The following SH3BP5 variants were observed in gnomAD, a reference collection of about 807,000 sequenced individuals.
The protein encoded by SH3BP5 is SH3 domain binding protein 5.
In SH3BP5, 22 loss-of-function variants were observed where a neutral mutation model predicts 43.3. That is an observed-to-expected ratio of 0.51 (90% CI 0.36 to 0.73). The LOEUF (loss-of-function observed/expected upper bound fraction) is 0.73, where lower values mean the gene tolerates loss of function less well. Ranked by LOEUF, SH3BP5 falls within the 30% of genes least tolerant of loss-of-function variation. The pLI, the probability that SH3BP5 is intolerant of heterozygous loss-of-function variation, is 0.00. For synonymous variants in SH3BP5, 255 were observed against 225.8 expected, an observed-to-expected ratio of 1.13 and a Z score of -1.16; for missense variants, 529 against 586.9, an observed-to-expected ratio of 0.90 and a Z score of 1.02.
intron 3 of SH3BP5, among the ~76,000 whole-genome samples, chr3:15,294,844 G>A (rs28742095): frequency 0.021 from 3,158 of 152,188 alleles, 106 homozygotes; most frequent in African/African-American, 0.069. Flanking sequence ...AGGCTGAGGC[G>A]TAAGGCACCC....
chr3:15,280,271 C>G (rs976211611), intron 3 of SH3BP5, among the ~76,000 whole-genome samples: 5 of 152,140 alleles, frequency 3.3e-5, no homozygotes, highest in Non-Finnish European at 7.3e-5. Context: ...CCTCCTCATC[C>G]TCCTCCCGCT....
intron 3 of SH3BP5, among the ~76,000 whole-genome samples, chr3:15,289,171 C>CTGG (rs1697342589): frequency 1.3e-5 from 2 of 152,216 alleles, no homozygotes; most frequent in African/African-American, 4.8e-5. Context: ...ACGTGGCAGT[C>CTGG]TGTTAGCTGC....
At chr3:15,256,442 T>A in intron 8 of SH3BP5, 139 bp from the exon 9 acceptor site, 1 of 870,630 alleles carries the variant, frequency 1.1e-6, no homozygotes, top group Non-Finnish European at 1.8e-6. Flanking sequence ...CTCAGCCCTG[T>A]AGAAGTCCCA....
chr3:15,332,693 G>C (rs567154346), upstream of SH3BP5: 22 of 1,118,416 alleles, frequency 2.0e-5, no homozygotes, highest in South Asian at 9.6e-4. Context: ...AGCTATCCAG[G>C]TCTCCGTCGC....
intron 3 of SH3BP5, among the ~76,000 whole-genome samples, chr3:15,291,945 T>A (rs889775968): frequency 4.6e-5 from 7 of 152,108 alleles, no homozygotes; most frequent in African/African-American, 1.7e-4. Flanking sequence ...AGCAGGGGCA[T>A]CCTCTGAGTC....
At chr3:15,311,834 C>T (rs991777101) in intron 2 of SH3BP5, among the ~76,000 whole-genome samples, 4 of 152,012 alleles carry the variant, frequency 2.6e-5, no homozygotes, top group Non-Finnish European at 4.4e-5. Context: ...TGACCACACC[C>T]GGCTAATTTT....
chr3:15,260,897 C>A (rs1206567951), intron 5 of SH3BP5, among the ~76,000 whole-genome samples: 1 of 152,212 alleles, frequency 6.6e-6, no homozygotes, highest in South Asian at 2.1e-4. Flanking sequence ...TGGCAAAGTA[C>A]AATCACAAGA....
At chr3:15,297,962 C>T (rs994243103) in intron 3 of SH3BP5, among the ~76,000 whole-genome samples, 10 of 149,842 alleles carry the variant, frequency 6.7e-5, no homozygotes, top group African/African-American at 2.5e-4. Context: ...TGATATACAA[C>T]TTTTCTTTTT....
chr3:15,315,431 C>A (rs1466830294), intron 2 of SH3BP5, among the ~76,000 whole-genome samples: 1 of 152,208 alleles, frequency 6.6e-6, no homozygotes, highest in East Asian at 1.9e-4. Context: ...AGGCCACATC[C>A]TATTTCTTCA....
intron 1 of SH3BP5, among the ~76,000 whole-genome samples, chr3:15,337,760 T>G (rs1169518455): frequency 6.7e-6 from 1 of 149,160 alleles, no homozygotes; most frequent in African/African-American, 2.5e-5. Context: ...AAAAAAAAAT[T>G]TTTAATTAGC....
chr3:15,329,827 C>T (rs1331529740), intron 2 of SH3BP5, among the ~76,000 whole-genome samples: 1 of 152,188 alleles, frequency 6.6e-6, no homozygotes, highest in Non-Finnish European at 1.5e-5. Flanking sequence ...AAAGCAACCA[C>T]TACTGGAAAG....
chr3:15,260,979 A>G (rs1696416368), intron 5 of SH3BP5, among the ~76,000 whole-genome samples: 1 of 152,182 alleles, frequency 6.6e-6, no homozygotes, highest in South Asian at 2.1e-4. Flanking sequence ...TCTTTTGAGA[A>G]AAGACCCACC....
At chr3:15,268,838 T>C (rs2125062394) in intron 4 of SH3BP5, among the ~76,000 whole-genome samples, 1 of 152,122 alleles carries the variant, frequency 6.6e-6, no homozygotes, top group Middle Eastern at 3.4e-3. Context: ...CCATCATGAA[T>C]GAGATTAGTG....
At chr3:15,324,827 T>C (rs1478963121) in intron 2 of SH3BP5, among the ~76,000 whole-genome samples, 1 of 150,596 alleles carries the variant, frequency 6.6e-6, no homozygotes, top group East Asian at 1.9e-4. Context: ...CAAAACAGAG[T>C]TTTTGTTTGT....
chr3:15,263,564 CAAAGTTCTGGTGG>C (rs1373700881), intron 4 of SH3BP5, among the ~76,000 whole-genome samples: 10 of 152,154 alleles, frequency 6.6e-5, no homozygotes. Context: ...GAAGACAAGT[CAAAGTTCTGGTGG>C]GAAATTCTGG....
At chr3:15,263,360 G>T (rs1696522435) in intron 4 of SH3BP5, among the ~76,000 whole-genome samples, 2 of 152,212 alleles carry the variant, frequency 1.3e-5, no homozygotes, top group Admixed American at 1.3e-4. Flanking sequence ...TAGGCATCGT[G>T]CCAGGCACGA....
intron 3 of SH3BP5, among the ~76,000 whole-genome samples, chr3:15,293,338 C>T (rs1039965714): frequency 1.3e-5 from 2 of 152,340 alleles, no homozygotes; most frequent in Non-Finnish European, 1.5e-5. Flanking sequence ...CCCAAAGTCC[C>T]GTGGCAAGAA....
chr3:15,315,730 C>T (rs774483032), intron 2 of SH3BP5, among the ~76,000 whole-genome samples: 9 of 152,170 alleles, frequency 5.9e-5, no homozygotes, highest in Non-Finnish European at 1.2e-4. Context: ...CATTGCAGCC[C>T]TCCTTTCAAT....
chr3:15,337,139 G>T (rs1318115324), upstream of SH3BP5, among the ~76,000 whole-genome samples: 1 of 144,280 alleles, frequency 6.9e-6, no homozygotes, highest in Non-Finnish European at 1.5e-5. Flanking sequence ...ACCCAGGCTG[G>T]AGTGCGGTGG....
Sources: allele counts gnomAD v4.1 joint callset (sites outside exome capture counted in the v4.1 genomes callset), GRCh38; gene constraint gnomAD v4.1.1; transcripts MANE v1.5; gene names NCBI Gene and HGNC (gene_info 2026-07-23, HGNC 2026-07-21).